The following OSBPL9 variants were observed in gnomAD, a reference collection of about 807,000 sequenced individuals.
OSBPL9 encodes the protein oxysterol binding protein like 9, also known as oxysterol-binding protein-related protein 9.
OSBPL9 carries 40 observed loss-of-function variants against 106.6 expected under a neutral mutation model. That is an observed-to-expected ratio of 0.38 (90% CI 0.29 to 0.49). The LOEUF (loss-of-function observed/expected upper bound fraction) is 0.49, where lower values mean the gene tolerates loss of function less well. Ranked by LOEUF, OSBPL9 falls within the 20% of genes least tolerant of loss-of-function variation. The pLI is 0.97. For missense variants in OSBPL9, 609 were observed against 887.2 expected, an observed-to-expected ratio of 0.69 and a Z score of 3.98; for synonymous variants, 269 against 295.4, an observed-to-expected ratio of 0.91 and a Z score of 0.92.
intron 1 of OSBPL9, among the ~76,000 whole-genome samples, chr1:51,648,090 C>T (rs193087711): frequency 5.3e-4 from 80 of 152,276 alleles, no homozygotes; most frequent in Middle Eastern, 3.4e-3. Context: ...CTGTAGACCA[C>T]ATATCTATTT....
At chr1:51,597,673 C>T (rs1019252064) in intron 1 of OSBPL9, among the ~76,000 whole-genome samples, 6 of 152,014 alleles carry the variant, frequency 3.9e-5, no homozygotes, top group African/African-American at 9.7e-5. Context: ...CCAGAACTGA[C>T]GAAGAGAACC....
chr1:51,519,232 G>A, the OSBPL9 span: 4 of 1,386,718 alleles, frequency 2.9e-6, no homozygotes, highest in East Asian at 2.9e-5. Context: ...CCGCAGCCAT[G>A]GTGTTTCCAT....
At chr1:51,762,289 C>T (rs1571617544) in intron 11 of OSBPL9, among the ~76,000 whole-genome samples, 1 of 152,028 alleles carries the variant, frequency 6.6e-6, no homozygotes, top group East Asian at 1.9e-4. Context: ...GCCTCAGGCT[C>T]CCAAGTAGCT....
intron 1 of OSBPL9, among the ~76,000 whole-genome samples, chr1:51,620,865 AT>A (rs1644383431): frequency 6.6e-6 from 1 of 152,156 alleles, no homozygotes; most frequent in South Asian, 2.1e-4. Context: ...AATCTATTTT[AT>A]TTATTCATTT....
chr1:51,748,456 T>C (rs1288613922), intron 7 of OSBPL9, 58 bp downstream of exon 7: 8 of 1,411,136 alleles, frequency 5.7e-6, no homozygotes, highest in Non-Finnish European at 5.6e-6. Context: ...TAAAAAGTTA[T>C]TTCTATTTTA....
intron 2 of OSBPL9, among the ~76,000 whole-genome samples, chr1:51,662,991 G>A (rs549594951): frequency 9.9e-4 from 151 of 152,062 alleles, no homozygotes; most frequent in African/African-American, 3.2e-3. Context: ...TGATCTGCCC[G>A]CCTTGGCCTC....
chr1:51,753,505 G>A (rs1207547762), intron 8 of OSBPL9, among the ~76,000 whole-genome samples: 7 of 152,136 alleles, frequency 4.6e-5, no homozygotes. Context: ...CTTCCATTGA[G>A]TACTGATGGA....
chr1:51,760,944 T>C (rs1018876079), intron 10 of OSBPL9, among the ~76,000 whole-genome samples, 164 bp downstream of exon 10: 3 of 152,180 alleles, frequency 2.0e-5, no homozygotes, highest in African/African-American at 7.2e-5. Flanking sequence ...AAGATGATAA[T>C]GTTTTGATAT....
the OSBPL9 span, among the ~76,000 whole-genome samples, chr1:51,541,037 A>G: frequency 6.6e-6 from 1 of 152,168 alleles, no homozygotes; most frequent in Admixed American, 6.5e-5. Context: ...AGGCTGAGGC[A>G]GGAGAATCGC....
intron 1 of OSBPL9, among the ~76,000 whole-genome samples, chr1:51,588,972 CAGAG>C (rs935223739): frequency 2.0e-5 from 3 of 152,056 alleles, no homozygotes; most frequent in East Asian, 1.9e-4. Flanking sequence ...AACGGAGAGA[CAGAG>C]AGAGATAGTA....
At chr1:51,726,603 AT>A (rs557965437) in intron 4 of OSBPL9, among the ~76,000 whole-genome samples, 26 of 148,316 alleles carry the variant, frequency 1.8e-4, no homozygotes, top group African/African-American at 3.0e-4. Flanking sequence ...GGCACGGCCT[AT>A]TTTTTTTTTG....
chr1:51,766,470 A>G (rs1044847490), intron 12 of OSBPL9, among the ~76,000 whole-genome samples: 4 of 152,234 alleles, frequency 2.6e-5, no homozygotes, highest in African/African-American at 9.6e-5. Context: ...GGCCCTGCCC[A>G]CAGGGAACTT....
intron 4 of OSBPL9, chr1:51,740,059 C>A: frequency 6.6e-7 from 1 of 1,515,340 alleles, no homozygotes. Flanking sequence ...AGATTTTTCT[C>A]TTACTATTCC....
upstream of OSBPL9, among the ~76,000 whole-genome samples, chr1:51,575,136 T>C (rs1025776105): frequency 1.3e-5 from 2 of 152,210 alleles, no homozygotes; most frequent in Admixed American, 1.3e-4. Context: ...AAACTTTATT[T>C]GATCTTCTCC....
intron 2 of OSBPL9, among the ~76,000 whole-genome samples, chr1:51,658,329 C>T (rs572038951): frequency 1.3e-5 from 2 of 151,996 alleles, no homozygotes; most frequent in East Asian, 1.9e-4. Context: ...AGTACTCAAA[C>T]ACGGTGTTTG....
the OSBPL9 span, among the ~76,000 whole-genome samples, chr1:51,541,691 G>A: frequency 6.6e-6 from 1 of 152,162 alleles, no homozygotes; most frequent in Admixed American, 6.5e-5. Context: ...TGAGGATGTA[G>A]CAGGCTTGGT....
chr1:51,707,270 G>A (rs892256717), intron 3 of OSBPL9: 1 of 228,342 alleles, frequency 4.4e-6, no homozygotes, highest in Non-Finnish European at 9.3e-6. Context: ...CATGGAAGGT[G>A]GAAGAGTGGT....
At chr1:51,574,207 A>G (rs1274696110), upstream of OSBPL9, among the ~76,000 whole-genome samples, 3 of 152,210 alleles carry the variant, frequency 2.0e-5, no homozygotes, top group Non-Finnish European at 2.9e-5. Context: ...CTATTTGTGT[A>G]TTATCATGTG....
At chr1:51,778,667 A>C (rs1571740779) in intron 15 of OSBPL9, among the ~76,000 whole-genome samples, 3 of 152,218 alleles carry the variant, frequency 2.0e-5, no homozygotes, top group Non-Finnish European at 4.4e-5. Flanking sequence ...GAAATAGCCA[A>C]GTCCACAAAT....
Sources: allele counts gnomAD v4.1 joint callset (sites outside exome capture counted in the v4.1 genomes callset), GRCh38; gene constraint gnomAD v4.1.1; transcripts MANE v1.5; gene names NCBI Gene and HGNC (gene_info 2026-07-23, HGNC 2026-07-21).